ATP2B2: variants seen among roughly 807,000 people sequenced by gnomAD.
ATP2B2 encodes ATPase plasma membrane Ca2+ transporting 2.
Under a neutral mutation model 120.0 loss-of-function variants are expected in ATP2B2, and 15 were observed. The ratio of observed to expected loss-of-function variants is 0.12; its 90% CI spans 0.08 to 0.19. ATP2B2 has a LOEUF of 0.19. ATP2B2 is among the 10% of genes least tolerant of loss of function. ATP2B2 has a pLI of 1.00. For missense variants in ATP2B2, 1,045 were observed against 1,719.8 expected (o/e 0.61, Z 6.94); for synonymous variants, 694 against 700.3 (o/e 0.99, Z 0.14).
intron 2 of ATP2B2, among the ~76,000 whole-genome samples, chr3:10,611,575 G>C (rs2069239408): frequency 6.6e-6 from 1 of 152,160 alleles, no homozygotes; most frequent in African/African-American, 2.4e-5. Context: ...GGGGGGCACT[G>C]GGTCCCTCTT....
At chr3:10,505,862 A>G (rs2066609067), upstream of ATP2B2, among the ~76,000 whole-genome samples, 1 of 151,828 alleles carries the variant, frequency 6.6e-6, no homozygotes, top group Non-Finnish European at 1.5e-5. Context: ...CCGTGGGATC[A>G]TGAGGAACCG....
intron 1 of ATP2B2, among the ~76,000 whole-genome samples, chr3:10,455,196 T>TG (rs1445549134): frequency 6.6e-6 from 1 of 152,174 alleles, no homozygotes; most frequent in Non-Finnish European, 1.5e-5. Flanking sequence ...AAGAGTTTTC[T>TG]GGGGGGTCAG....
At chr3:10,626,028 TAA>T (rs1472985891) in intron 1 of ATP2B2, 1 of 145,190 alleles carries the variant, frequency 6.9e-6, no homozygotes, top group African/African-American at 2.7e-5. Context: ...CACTCTAAAA[TAA>T]GTTTATTTTG....
At chr3:10,493,665 G>C (rs570415535) in intron 1 of ATP2B2, among the ~76,000 whole-genome samples, 2 of 152,328 alleles carry the variant, frequency 1.3e-5, no homozygotes, top group East Asian at 3.9e-4. Context: ...GACCAGTAGG[G>C]AAGGCCCCTC....
chr3:10,594,036 A>T (rs949509137), intron 2 of ATP2B2, among the ~76,000 whole-genome samples: 5 of 152,248 alleles, frequency 3.3e-5, no homozygotes, highest in Non-Finnish European at 5.9e-5. Context: ...CACACCAGTT[A>T]GAATGGCGTT....
intron 2 of ATP2B2, among the ~76,000 whole-genome samples, chr3:10,560,867 TCTCTAGGCTCCAG>T (rs2067889298): frequency 6.6e-6 from 1 of 152,090 alleles, no homozygotes; most frequent in East Asian, 1.9e-4. Context: ...CATCTCTTGT[TCTCTAGGCTCCAG>T]AGCATCTGTC....
In ATP2B2 at chr3:10,397,342, A is replaced by C. The variant is rs17032818; in HGVS notation, c.781+3611T>G. On this transcript the variant is annotated intron_variant, in intron 5 of 22. Transcript: ENST00000360273. ...GTGGCCAAGGACAGCAGGGCCTATA[A>C]AAGTGAGACCAGTGAGATCCGGTTG... 7.9e-3 allele frequency among the ~76,000 whole-genome samples: 1,204 copies of C among 152,296 alleles called. 14 individuals are homozygous for C. Among genetic ancestry groups the C allele is most frequent in the African/African-American group, 0.028 (1,150 of 41,576 alleles).
chr3:10,422,261 A>G (rs2063006352), intron 2 of ATP2B2, among the ~76,000 whole-genome samples: 1 of 152,214 alleles, frequency 6.6e-6, no homozygotes, highest in East Asian at 1.9e-4. Context: ...GCCACTTAAC[A>G]GACTTGGGGC....
At chr3:10,674,648 TACTC>T (rs1167509437) in intron 1 of ATP2B2, among the ~76,000 whole-genome samples, 1 of 152,258 alleles carries the variant, frequency 6.6e-6, no homozygotes, top group African/African-American at 2.4e-5. Context: ...GTGCAGTAAA[TACTC>T]ACATATCCTT....
At chr3:10,359,805 T>A (rs765937730) in intron 13 of ATP2B2, 77 bp downstream of exon 13, 25 of 1,600,494 alleles carry the variant, frequency 1.6e-5, no homozygotes, top group Non-Finnish European at 2.0e-5. Flanking sequence ...TGGCGGCCAG[T>A]GCTATATGAC....
intron 1 of ATP2B2, among the ~76,000 whole-genome samples, chr3:10,477,519 TG>T (rs537080731): frequency 2.8e-4 from 43 of 152,340 alleles, no homozygotes; most frequent in Middle Eastern, 3.4e-3. Context: ...CTTCCCAAAC[TG>T]AAGTTCTGTC....
intron 22 of ATP2B2, chr3:10,332,130 A>G (rs2059997276): frequency 9.0e-7 from 1 of 1,112,760 alleles, no homozygotes. Context: ...CCAAGGTTGC[A>G]CTAAATTAGT....
chr3:10,475,498 G>A (rs1395661111), intron 1 of ATP2B2, among the ~76,000 whole-genome samples: 2 of 152,200 alleles, frequency 1.3e-5, no homozygotes, highest in African/African-American at 4.8e-5. Context: ...TCATGGGCAC[G>A]GATTGGGGTT....
In ATP2B2 at chr3:10,338,308, G is replaced by A; in HGVS notation, c.3288C>T (p.Gly1096=). ...TSRLKFLKEA[G]RLTQKEEIPE... The stretch of plus-strand genomic sequence containing the variant: ...GGATCTCCTCCTTCTGTGTGAGCCT[G>A]CCTGCCTCCTTGAGGAACTTGAGTC... Residue 1096 remains glycine (G), a synonymous_variant, in exon 22 of 23, where the codon GGC becomes GGT. Coordinates refer to ENST00000360273, the MANE Select transcript of ATP2B2 (RefSeq NM_001001331.4). 1 of 1,614,192 alleles carries A rather than the reference G, an allele frequency of 6.2e-7. No individual in the cohort carries two copies. The highest frequency in any genetic ancestry group is 8.5e-7 in the Non-Finnish European group (1 of 1,180,036).
chr3:10,650,226 G>A (rs1434882901), intron 1 of ATP2B2, among the ~76,000 whole-genome samples: 1 of 152,240 alleles, frequency 6.6e-6, no homozygotes, highest in Non-Finnish European at 1.5e-5. Context: ...CCAGACTGAG[G>A]TGGTCTCAGA....
chr3:10,364,626 A>C (rs934178175), intron 12 of ATP2B2, among the ~76,000 whole-genome samples: 1 of 152,044 alleles, frequency 6.6e-6, no homozygotes, highest in Non-Finnish European at 1.5e-5. Flanking sequence ...CAGGAGAATC[A>C]CACAAACCCG....
intron 2 of ATP2B2, among the ~76,000 whole-genome samples, chr3:10,579,882 GC>G (rs1392544291): frequency 2.0e-5 from 3 of 147,786 alleles, no homozygotes; most frequent in Non-Finnish European, 4.5e-5. Context: ...TCAAAGTGCC[GC>G]CCCACAGTTT....
chr3:10,501,150 C>T (rs555665255), intron 1 of ATP2B2, among the ~76,000 whole-genome samples: 2 of 152,306 alleles, frequency 1.3e-5, no homozygotes, highest in South Asian at 4.1e-4. Context: ...CCTCCTGGTC[C>T]TGCCAGCCGT....
intron 14 of ATP2B2, among the ~76,000 whole-genome samples, chr3:10,357,674 C>T (rs770122469): frequency 6.6e-6 from 1 of 152,168 alleles, no homozygotes; most frequent in African/African-American, 2.4e-5. Context: ...CTGGACCCAG[C>T]CAGGGCCTGG....
Sources: gnomAD v4.1 joint callset for allele counts (sites outside exome capture counted in the v4.1 genomes callset) on GRCh38, gnomAD v4.1.1 for gene constraint, MANE v1.5 for transcripts, NCBI Gene and HGNC (gene_info 2026-07-23, HGNC 2026-07-21) for gene names.